The following SLIT3 variants were observed in gnomAD, a reference collection of about 807,000 sequenced individuals.
The protein encoded by SLIT3 is slit guidance ligand 3.
Under a neutral mutation model 184.0 loss-of-function variants are expected in SLIT3, and 68 were observed. The ratio of observed to expected loss-of-function variants is 0.37; its 90% CI spans 0.30 to 0.45. The LOEUF (loss-of-function observed/expected upper bound fraction) is 0.45, where lower values mean the gene tolerates loss of function less well. SLIT3 is among the 20% of genes least tolerant of loss of function. SLIT3 has a pLI of 1.00. For synonymous variants in SLIT3, 831 were observed against 828.6 expected (o/e 1.00, Z -0.05); for missense variants, 1,707 against 2,026.0 (o/e 0.84, Z 3.02).
At chr5:169,111,619 G>A (rs1180148237) in intron 4 of SLIT3, among the ~76,000 whole-genome samples, 1 of 152,154 alleles carries the variant, frequency 6.6e-6, no homozygotes, top group Non-Finnish European at 1.5e-5. Flanking sequence ...GGGCATGGTG[G>A]CAAACGCCTG....
chr5:169,289,496 G>A (rs1767266778), intron 1 of SLIT3, among the ~76,000 whole-genome samples: 2 of 152,224 alleles, frequency 1.3e-5, no homozygotes, highest in Non-Finnish European at 2.9e-5. Context: ...ATAGAGTCCA[G>A]CCCTGGGGCA....
intron 5 of SLIT3, among the ~76,000 whole-genome samples, chr5:168,868,134 C>T (rs1247522544): frequency 2.0e-5 from 3 of 152,324 alleles, no homozygotes; most frequent in Middle Eastern, 3.4e-3. Context: ...CCTCTAACCC[C>T]GCAAGCCAAT....
intron 16 of SLIT3, among the ~76,000 whole-genome samples, chr5:168,756,068 AAATCGC>A (rs1376489806): frequency 2.0e-5 from 3 of 152,222 alleles, no homozygotes; most frequent in African/African-American, 7.2e-5. Flanking sequence ...GCAAACAAGG[AAATCGC>A]AGGTGGAGGT....
chr5:168,985,133 C>G (rs1288847302), intron 4 of SLIT3, among the ~76,000 whole-genome samples: 1 of 152,190 alleles, frequency 6.6e-6, no homozygotes, highest in East Asian at 1.9e-4. Context: ...GTTCAGAGTT[C>G]CTTCCGTGGC....
intron 16 of SLIT3, among the ~76,000 whole-genome samples, 154 bp from the exon 17 acceptor site, chr5:168,754,161 A>C (rs1188580466): frequency 3.9e-5 from 6 of 152,164 alleles, no homozygotes; most frequent in Admixed American, 1.3e-4. Flanking sequence ...GGCTCCCTGA[A>C]CTTTGGTCTT....
At chr5:168,709,846 C>A (rs2113315501) in intron 25 of SLIT3, among the ~76,000 whole-genome samples, 1 of 150,154 alleles carries the variant, frequency 6.7e-6, no homozygotes, top group African/African-American at 2.5e-5. Flanking sequence ...TTTTTTTTAA[C>A]CTATTGAATT....
chr5:168,814,958 T>C (rs9885172), intron 8 of SLIT3, among the ~76,000 whole-genome samples: 81,175 of 151,918 alleles, frequency 0.53, 22,088 homozygotes, highest in African/African-American at 0.62. Flanking sequence ...CCCATGGGAG[T>C]CTGCTAAGGC....
intron 4 of SLIT3, among the ~76,000 whole-genome samples, chr5:168,921,639 T>C (rs1042295108): frequency 6.6e-6 from 1 of 152,212 alleles, no homozygotes; most frequent in Non-Finnish European, 1.5e-5. Context: ...TTGGGAAATG[T>C]ACACATTTAA....
intron 4 of SLIT3, among the ~76,000 whole-genome samples, chr5:169,043,038 C>A (rs1757501360): frequency 6.6e-6 from 1 of 152,136 alleles, no homozygotes; most frequent in East Asian, 1.9e-4. Flanking sequence ...CTACTAATGG[C>A]TTCCTTTATT....
intron 4 of SLIT3, among the ~76,000 whole-genome samples, chr5:168,907,979 T>TATATATATATATATATAGAGAGAG: frequency 2.0e-5 from 1 of 50,088 alleles, no homozygotes; most frequent in African/African-American, 1.2e-4. Flanking sequence ...TATATATATA[T>TATATATATATATATATAGAGAGAG]AGAGAGAGAG....
chr5:169,050,931 C>A (rs185666208), intron 4 of SLIT3, among the ~76,000 whole-genome samples: 47 of 152,340 alleles, frequency 3.1e-4, no homozygotes, highest in African/African-American at 1.1e-3. Context: ...AGCCTTCCAG[C>A]GCTCTGCTGT....
chr5:168,690,523 G>C (rs150821239), intron 29 of SLIT3, among the ~76,000 whole-genome samples: 2 of 152,142 alleles, frequency 1.3e-5, no homozygotes, highest in Non-Finnish European at 2.9e-5. Context: ...TTGAGTTCAC[G>C]TTTGCATTTA....
chr5:168,703,003 C>T (rs1369162823), intron 26 of SLIT3, among the ~76,000 whole-genome samples: 1 of 152,148 alleles, frequency 6.6e-6, no homozygotes, highest in Non-Finnish European at 1.5e-5. Flanking sequence ...GCCCTTTACG[C>T]CAAGCACAGA....
chr5:168,685,571 G>T, intron 31 of SLIT3, 116 bp downstream of exon 31: 1 of 1,335,242 alleles, frequency 7.5e-7, no homozygotes, highest in Non-Finnish European at 1.0e-6. Context: ...CTCAAGCTGA[G>T]TGTTGTCCCT....
chr5:168,674,958 G>T (rs1411595481), intron 32 of SLIT3, among the ~76,000 whole-genome samples: 1 of 152,162 alleles, frequency 6.6e-6, no homozygotes, highest in Non-Finnish European at 1.5e-5. Flanking sequence ...CTATTTCACA[G>T]ATGAAGACAC....
intron 5 of SLIT3, among the ~76,000 whole-genome samples, chr5:168,872,970 GTCT>G (rs1759587729): frequency 6.6e-6 from 1 of 152,066 alleles, no homozygotes; most frequent in South Asian, 2.1e-4. Flanking sequence ...AATCTTGATG[GTCT>G]TCTTGGAAAT....
intron 32 of SLIT3, among the ~76,000 whole-genome samples, chr5:168,682,436 G>A (rs1485874296): frequency 1.3e-5 from 2 of 152,232 alleles, no homozygotes; most frequent in African/African-American, 2.4e-5. Context: ...GCACAGGTGT[G>A]TTGGGGCCAA....
rs534392333 is a variant in SLIT3, at chr5:169,295,615, C to T, written c.197+4898G>A. Among the ~76,000 whole-genome samples the T allele has an allele frequency of 3.3e-5, 5 of 152,344 alleles. No individual in the cohort carries two copies. The East Asian group carries it at 9.6e-4, about 29-fold the overall frequency. On this transcript the variant is annotated intron_variant, in intron 1 of 35. Transcript: ENST00000519560. ...AACCCACAGTCGTCTGTCTCCGGAG[C>T]GCCTGCCCTAACCACGATGCTTAGG...
intron 5 of SLIT3, among the ~76,000 whole-genome samples, chr5:168,853,394 T>C (rs1008170932): frequency 6.6e-6 from 1 of 152,224 alleles, no homozygotes; most frequent in African/African-American, 2.4e-5. Flanking sequence ...AATCAAGTAA[T>C]GTACCACCTA....
Sources: allele counts gnomAD v4.1 joint callset (sites outside exome capture counted in the v4.1 genomes callset), GRCh38; gene constraint gnomAD v4.1.1; transcripts MANE v1.5; gene names NCBI Gene and HGNC (gene_info 2026-07-23, HGNC 2026-07-21).